Variants in AK4 observed in about 807,000 individuals in gnomAD.
The protein encoded by AK4 is adenylate kinase 4.
AK4 carries 13 observed loss-of-function variants against 24.6 expected under a neutral mutation model. That is an observed-to-expected ratio of 0.53 (90% confidence interval 0.34 to 0.84). The LOEUF is 0.84. AK4 is among the 40% of genes least tolerant of loss of function. The pLI, the probability that AK4 is intolerant of heterozygous loss-of-function variation, is 0.01. For synonymous variants in AK4, 88 were observed against 107.0 expected, an observed-to-expected ratio of 0.82 and a Z score of 1.10; for missense variants, 192 against 288.2, an observed-to-expected ratio of 0.67 and a Z score of 2.42.
intron 2 of AK4, among the ~76,000 whole-genome samples, chr1:65,204,487 C>T (rs1269188442): frequency 6.6e-6 from 1 of 152,136 alleles, no homozygotes; most frequent in African/African-American, 2.4e-5. Flanking sequence ...AGGCGTGAGC[C>T]ACCATACCTA....
At position 65,231,485 on chromosome 1, in the gene AK4, A is replaced by C. The variant is rs1652644818; in HGVS notation, c.*5308A>C. Reference sequence around the variant, plus strand: ...AGCACAGTGTCATTCTTTAAATAAAAGCTTTCCTGTTTAAAGCTTTTCAAA... The same window carrying C: ...AGCACAGTGTCATTCTTTAAATAAACGCTTTCCTGTTTAAAGCTTTTCAAA... On this transcript the variant is annotated 3_prime_UTR_variant, in exon 5 of 5. Transcript: ENST00000327299. 6.6e-6 allele frequency: 1 copy of C among 152,226 alleles called. No individual in the cohort carries two copies. The highest frequency in any genetic ancestry group is 1.5e-5 in the Non-Finnish European group (1 of 68,042). The allele number at this position is 152,226 out of a possible 1,614,324, so 9.4% of individuals were successfully genotyped here.
chr1:65,208,916 A>C (rs539948339), intron 2 of AK4, among the ~76,000 whole-genome samples: 37 of 152,326 alleles, frequency 2.4e-4, no homozygotes, highest in African/African-American at 8.4e-4. Context: ...GCCAAGGCCC[A>C]GTGGCCAGCA....
intron 1 of AK4, among the ~76,000 whole-genome samples, chr1:65,165,615 G>A (rs1048949101): frequency 2.6e-5 from 4 of 151,678 alleles, no homozygotes; most frequent in Non-Finnish European, 5.9e-5. Flanking sequence ...GGAATTATAT[G>A]TAGAGTTGGA....
At chr1:65,188,434 T>C (rs1348879041) in intron 1 of AK4, among the ~76,000 whole-genome samples, 1 of 152,106 alleles carries the variant, frequency 6.6e-6, no homozygotes, top group Non-Finnish European at 1.5e-5. Flanking sequence ...AAATGATTCT[T>C]GAGCCTTTTT....
intron 1 of AK4, among the ~76,000 whole-genome samples, chr1:65,184,540 ATGTG>A (rs1238611962): frequency 6.6e-6 from 1 of 151,872 alleles, no homozygotes; most frequent in East Asian, 1.9e-4. Context: ...TGTGTGTGTG[ATGTG>A]TGTGTGTGAA....
In AK4 at chr1:65,231,792, T is replaced by C. The variant is rs1431241602; in HGVS notation, c.*5615T>C. On this transcript the variant is annotated 3_prime_UTR_variant, in exon 5 of 5. Coordinates refer to ENST00000327299, the MANE Select transcript of AK4 (RefSeq NM_013410.4). ...TTCCTGTTTTTGAGATGAACAGATC[T>C]CTGGGGAAATTGTTGAGTTACAATG... is the stretch of plus-strand genomic sequence containing the variant. 1 of 152,244 alleles carries C rather than the reference T, an allele frequency of 6.6e-6. No homozygotes were observed. Among genetic ancestry groups the C allele is most frequent in the East Asian group, 1.9e-4 (1 of 5,198 alleles). 9.4% of individuals were successfully genotyped at this position (152,244 alleles called of 1,614,324 possible). A position where few individuals can be genotyped will look rare whatever the true frequency, so the allele number is the denominator to read the frequency against.
chr1:65,176,969 T>G (rs1650737883), intron 1 of AK4, among the ~76,000 whole-genome samples: 1 of 152,246 alleles, frequency 6.6e-6, no homozygotes, highest in Non-Finnish European at 1.5e-5. Context: ...ATTTTTAATC[T>G]CACAATTAGT....
intron 1 of AK4, among the ~76,000 whole-genome samples, chr1:65,176,698 C>A (rs1278475661): frequency 6.6e-6 from 1 of 152,088 alleles, no homozygotes; most frequent in East Asian, 1.9e-4. Context: ...GTCGAACGGT[C>A]TACCTCTCTC....
At chr1:65,187,628 A>G (rs1376372558) in intron 1 of AK4, among the ~76,000 whole-genome samples, 2 of 152,222 alleles carry the variant, frequency 1.3e-5, no homozygotes, top group Non-Finnish European at 2.9e-5. Context: ...TGCTGGGATT[A>G]CCTTCTATCT....
chr1:65,151,303 T>A (rs1649763868), intron 1 of AK4, among the ~76,000 whole-genome samples: 1 of 152,186 alleles, frequency 6.6e-6, no homozygotes, highest in Non-Finnish European at 1.5e-5. Flanking sequence ...ATTCTAATGT[T>A]GCAGTCATAT....
intron 3 of AK4, among the ~76,000 whole-genome samples, chr1:65,219,498 C>T (rs970610891): frequency 2.0e-5 from 3 of 152,008 alleles, no homozygotes; most frequent in African/African-American, 7.2e-5. Flanking sequence ...AAATGAATGT[C>T]CATCTGTAGT....
intron 2 of AK4, among the ~76,000 whole-genome samples, chr1:65,193,325 T>G (rs1314836205): frequency 5.9e-5 from 9 of 152,278 alleles, no homozygotes; most frequent in African/African-American, 1.7e-4. Flanking sequence ...ATCCATCTTC[T>G]GAAACCATTC....
chr1:65,155,282 G>T (rs1193068380), intron 1 of AK4, among the ~76,000 whole-genome samples: 1 of 151,632 alleles, frequency 6.6e-6, no homozygotes, highest in Admixed American at 6.6e-5. Flanking sequence ...AGACCAGCCT[G>T]GCCAACATGG....
chr1:65,178,783 G>A (rs1311853770), intron 1 of AK4, among the ~76,000 whole-genome samples: 1 of 152,194 alleles, frequency 6.6e-6, no homozygotes, highest in African/African-American at 2.4e-5. Flanking sequence ...CGGGAGGGTA[G>A]GAACCACAGT....
At chr1:65,151,049 G>T (rs1205295194) in intron 1 of AK4, among the ~76,000 whole-genome samples, 2 of 152,100 alleles carry the variant, frequency 1.3e-5, no homozygotes, top group Non-Finnish European at 2.9e-5. Flanking sequence ...TGCCTCCCGG[G>T]TTCAAGCGAT....
At chr1:65,201,287 T>C (rs1442948382) in intron 2 of AK4, among the ~76,000 whole-genome samples, 1 of 152,236 alleles carries the variant, frequency 6.6e-6, no homozygotes, top group East Asian at 1.9e-4. Context: ...TCATTTGTTA[T>C]AGATTCTGTC....
At chr1:65,214,425 TGATGAAACTAAGGATCTGAGAGTA>T (rs1180557375) in intron 2 of AK4, among the ~76,000 whole-genome samples, 37 of 152,230 alleles carry the variant, frequency 2.4e-4, no homozygotes, top group East Asian at 1.5e-3. Flanking sequence ...GTTTCATATC[TGATGAAACTAAGGATCTGAGAGTA>T]GATGAAACTA....
intron 2 of AK4, among the ~76,000 whole-genome samples, chr1:65,211,162 ATTGT>A (rs1342132357): frequency 1.3e-5 from 2 of 152,218 alleles, no homozygotes; most frequent in Non-Finnish European, 2.9e-5. Context: ...AGGCAACAGG[ATTGT>A]TTGAGGCCAG....
At chr1:65,184,192 C>T (rs911363480) in intron 1 of AK4, among the ~76,000 whole-genome samples, 1 of 152,066 alleles carries the variant, frequency 6.6e-6, no homozygotes, top group African/African-American at 2.4e-5. Flanking sequence ...TGAATTGCCA[C>T]AAAATTTATA....
Sources: gnomAD v4.1 joint callset for allele counts (sites outside exome capture counted in the v4.1 genomes callset) on GRCh38, gnomAD v4.1.1 for gene constraint, MANE v1.5 for transcripts, NCBI Gene and HGNC (gene_info 2026-07-23, HGNC 2026-07-21) for gene names.